The following NALF1 variants were observed in gnomAD, a reference collection of about 807,000 sequenced individuals.
NALF1 encodes the protein family with sequence similarity 155 member A.
Under a neutral mutation model 48.4 loss-of-function variants are expected in NALF1, and 3 were observed. The observed-to-expected ratio is 0.06, with a 90% confidence interval of 0.03 to 0.16. NALF1 has a LOEUF of 0.16. NALF1 is among the 10% of genes least tolerant of loss of function. The pLI is 1.00. For missense variants in NALF1, 526 were observed against 571.5 expected, an observed-to-expected ratio of 0.92 and a Z score of 0.81; for synonymous variants, 262 against 245.7, an observed-to-expected ratio of 1.07 and a Z score of -0.62.
At chr13:107,573,086 C>T (rs996474735) in intron 1 of NALF1, among the ~76,000 whole-genome samples, 2 of 152,088 alleles carry the variant, frequency 1.3e-5, no homozygotes, top group African/African-American at 2.4e-5. Context: ...CTTCTGAGGG[C>T]CTTTGTGTCT....
intron 1 of NALF1, among the ~76,000 whole-genome samples, chr13:107,303,147 T>C (rs564861063): frequency 6.6e-6 from 1 of 152,212 alleles, no homozygotes; most frequent in South Asian, 2.1e-4. Flanking sequence ...TCTGATCGTT[T>C]TAAGCTTTTT....
chr13:107,466,766 A>G (rs1421071805), intron 1 of NALF1: 4 of 152,220 alleles, frequency 2.6e-5, no homozygotes, highest in Admixed American at 2.6e-4. Context: ...CTAATCTGGA[A>G]AGGAGATCTG....
intron 1 of NALF1, among the ~76,000 whole-genome samples, chr13:107,761,477 G>A (rs1877263085): frequency 6.6e-6 from 1 of 152,128 alleles, no homozygotes; most frequent in South Asian, 2.1e-4. Context: ...GTCCACTTGT[G>A]TCTCTGATTT....
chr13:107,726,715 T>A (rs1876161745), intron 1 of NALF1, among the ~76,000 whole-genome samples: 1 of 151,910 alleles, frequency 6.6e-6, no homozygotes, highest in African/African-American at 2.4e-5. Context: ...GTTCAAGTGA[T>A]TCTCCTACCT....
chr13:107,806,433 T>A (rs534175254), intron 1 of NALF1, among the ~76,000 whole-genome samples: 1 of 152,220 alleles, frequency 6.6e-6, no homozygotes, highest in East Asian at 1.9e-4. Flanking sequence ...CCTATTTTTT[T>A]AAAAAGCCAA....
At chr13:107,517,927 C>T (rs1435274384) in intron 1 of NALF1, among the ~76,000 whole-genome samples, 3 of 152,158 alleles carry the variant, frequency 2.0e-5, no homozygotes, top group African/African-American at 4.8e-5. Flanking sequence ...GCACTCCAGC[C>T]TGGATGACAC....
Position 107,741,387 on chromosome 13 carries a change from TTGTGGATAAAGTGAAGA to T in NALF1, c.915+124278_915+124294del, listed in dbSNP as rs1309303660. On this transcript the variant is annotated intron_variant, in intron 1 of 2. Coordinates refer to ENST00000375915, the MANE Select transcript of NALF1 (RefSeq NM_001080396.3). ...ATTTATTGTTAATTTACATATTGTCTTGTGGATAAAGTGAAGATATATAAAGGATAAATGCTTTCATT... is the reference window on the plus strand; with the variant it reads ...ATTTATTGTTAATTTACATATTGTCTTATATAAAGGATAAATGCTTTCATT... Among the ~76,000 whole-genome samples, 7 of 152,336 alleles carry T rather than the reference TTGTGGATAAAGTGAAGA, an allele frequency of 4.6e-5. No homozygotes were observed. In the East Asian group the frequency reaches 1.3e-3, roughly 29 times the overall value.
intron 1 of NALF1, among the ~76,000 whole-genome samples, chr13:107,776,488 A>G (rs1012270709): frequency 6.6e-6 from 1 of 152,192 alleles, no homozygotes; most frequent in Non-Finnish European, 1.5e-5. Context: ...CCAGCATGAC[A>G]ACGCGGTGAA....
Position 107,170,612 on chromosome 13 carries a change from A to T in NALF1, c.1262T>A (p.Val421Asp). The T allele has an allele frequency of 6.2e-7, 1 of 1,614,220 alleles. No homozygotes were observed. Among genetic ancestry groups the T allele is most frequent in the Non-Finnish European group, 8.5e-7 (1 of 1,180,030 alleles). The change falls in exon 3 of 3, where the codon GTT (valine) becomes GAT (aspartate). Residue 421 changes from valine (V) to aspartate (D), a missense_variant. Coordinates refer to ENST00000375915, the MANE Select transcript of NALF1 (RefSeq NM_001080396.3). The stretch of plus-strand genomic sequence containing the variant: ...TGTGTGTAAGAGAATCAGTACAAGA[A>T]CACACAGCTTGAGTCTGCTGTTGCA... Reference protein sequence around the residue: ...RLCNSRLKLCVLVLILLHTVL... With the variant: ...RLCNSRLKLCDLVLILLHTVL...
intron 1 of NALF1, among the ~76,000 whole-genome samples, chr13:107,475,628 C>A (rs1156295585): frequency 6.6e-6 from 1 of 151,966 alleles, no homozygotes. Flanking sequence ...CATTTCAAAT[C>A]AATGATTTAA....
At chr13:107,613,004 A>G (rs1879278405) in intron 1 of NALF1, among the ~76,000 whole-genome samples, 2 of 148,210 alleles carry the variant, frequency 1.3e-5, no homozygotes, top group Non-Finnish European at 3.0e-5. Flanking sequence ...CACAATGAGA[A>G]AAAAAAAAAA....
At chr13:107,796,980 A>G (rs1287144168) in intron 1 of NALF1, among the ~76,000 whole-genome samples, 3 of 152,102 alleles carry the variant, frequency 2.0e-5, no homozygotes, top group Non-Finnish European at 4.4e-5. Flanking sequence ...AAACTTCCTC[A>G]GCCATTTCCA....
chr13:107,445,910 G>A (rs1289723285), intron 1 of NALF1, among the ~76,000 whole-genome samples: 1 of 151,860 alleles, frequency 6.6e-6, no homozygotes, highest in Non-Finnish European at 1.5e-5. Context: ...TTATTATAAT[G>A]CTTTAAAAAT....
intron 1 of NALF1, among the ~76,000 whole-genome samples, chr13:107,218,541 C>T (rs1389608082): frequency 3.9e-5 from 6 of 152,182 alleles, no homozygotes; most frequent in Admixed American, 3.9e-4. Flanking sequence ...TGATGAGCCC[C>T]CAACATATTA....
chr13:107,284,556 T>C (rs541831050), intron 1 of NALF1, among the ~76,000 whole-genome samples: 2 of 132,500 alleles, frequency 1.5e-5, no homozygotes, highest in African/African-American at 4.9e-5. Context: ...GTAACTGCTA[T>C]GGACTGAACT....
At chr13:107,710,401 G>C (rs958525184) in intron 1 of NALF1, among the ~76,000 whole-genome samples, 1 of 152,124 alleles carries the variant, frequency 6.6e-6, no homozygotes, top group African/African-American at 2.4e-5. Context: ...AGGTGTTCTG[G>C]ATTAGGGCTT....
chr13:107,861,969 C>T (rs1019177022), intron 1 of NALF1, among the ~76,000 whole-genome samples: 9 of 152,178 alleles, frequency 5.9e-5, no homozygotes, highest in African/African-American at 2.2e-4. Flanking sequence ...TCCTTTTGGT[C>T]ATAGTCTGTT....
chr13:107,695,403 A>G (rs1037498184), intron 1 of NALF1, among the ~76,000 whole-genome samples: 3 of 152,228 alleles, frequency 2.0e-5, no homozygotes, highest in Non-Finnish European at 4.4e-5. Context: ...CCGTAAGGTT[A>G]TAGTCACTGT....
intron 1 of NALF1, among the ~76,000 whole-genome samples, chr13:107,739,507 T>C (rs1329834713): frequency 6.6e-6 from 1 of 151,264 alleles, no homozygotes; most frequent in Non-Finnish European, 1.5e-5. Context: ...TTGAACAAAT[T>C]GTCTCACCTA....
Sources: gnomAD v4.1 joint callset for allele counts (sites outside exome capture counted in the v4.1 genomes callset) on GRCh38, gnomAD v4.1.1 for gene constraint, MANE v1.5 for transcripts, NCBI Gene and HGNC (gene_info 2026-07-23, HGNC 2026-07-21) for gene names.